Variants in BCAR3 observed in about 807,000 individuals in gnomAD.
The protein encoded by BCAR3 is BCAR3 adaptor protein, NSP family member, also known as breast cancer anti-estrogen resistance protein 3.
BCAR3 carries 37 observed loss-of-function variants against 80.1 expected under a neutral mutation model. The ratio of observed to expected loss-of-function variants is 0.46; its 90% CI spans 0.36 to 0.61. The LOEUF is 0.61. BCAR3 is among the 20% of genes least tolerant of loss of function. BCAR3 has a pLI of 0.00. For synonymous variants in BCAR3, 389 were observed against 418.9 expected, an observed-to-expected ratio of 0.93 and a Z score of 0.87; for missense variants, 978 against 1,068.2, an observed-to-expected ratio of 0.92 and a Z score of 1.18.
intron 3 of BCAR3, 104 bp downstream of exon 3, chr1:93,642,200 C>G: frequency 7.4e-7 from 1 of 1,351,520 alleles, no homozygotes; most frequent in Non-Finnish European, 1.1e-6. Flanking sequence ...GTCTAATCAG[C>G]TTTTTACACA....
intron 3 of BCAR3, among the ~76,000 whole-genome samples, chr1:93,623,862 C>T (rs939856794): frequency 6.6e-6 from 1 of 152,092 alleles, no homozygotes; most frequent in Non-Finnish European, 1.5e-5. Flanking sequence ...CTACAAGGAG[C>T]CAACATGAAC....
intron 3 of BCAR3, among the ~76,000 whole-genome samples, chr1:93,686,855 G>A: frequency 6.6e-6 from 1 of 152,148 alleles, no homozygotes; most frequent in East Asian, 1.9e-4. Flanking sequence ...GAGTCAAAGA[G>A]GGTAGTATCC....
At chr1:93,765,431 C>A (rs10158155) in intron 2 of BCAR3, among the ~76,000 whole-genome samples, 17,777 of 152,058 alleles carry the variant, frequency 0.12, 1,465 homozygotes, top group African/African-American at 0.22. Context: ...TCTCTAGGAT[C>A]ACCAGTCAGC....
intron 2 of BCAR3, among the ~76,000 whole-genome samples, chr1:93,717,084 C>T (rs999449366): frequency 1.3e-5 from 2 of 152,168 alleles, no homozygotes; most frequent in African/African-American, 4.8e-5. Context: ...CTCAAGAAAC[C>T]GCACAGTATC....
At chr1:93,688,565 GTA>G (rs893982554) in intron 3 of BCAR3, among the ~76,000 whole-genome samples, 1 of 151,544 alleles carries the variant, frequency 6.6e-6, no homozygotes, top group Non-Finnish European at 1.5e-5. Context: ...GTGTGTCTGT[GTA>G]TATATATATG....
chr1:93,796,397 C>A (rs1023810536), intron 2 of BCAR3, among the ~76,000 whole-genome samples: 1 of 145,600 alleles, frequency 6.9e-6, no homozygotes, highest in Admixed American at 6.8e-5. Flanking sequence ...GCGCAATATT[C>A]GGGTGGGAGT....
chr1:93,808,288 C>G (rs1309278840), intron 2 of BCAR3, among the ~76,000 whole-genome samples: 1 of 152,070 alleles, frequency 6.6e-6, no homozygotes, highest in Non-Finnish European at 1.5e-5. Flanking sequence ...CCATTGAAAA[C>G]TTTCAGAGCA....
intron 2 of BCAR3, among the ~76,000 whole-genome samples, chr1:93,744,415 T>G (rs1431475823): frequency 1.3e-5 from 2 of 152,132 alleles, no homozygotes; most frequent in African/African-American, 4.8e-5. Context: ...TGTAAAGTGC[T>G]TCTCCGATAG....
At chr1:93,566,653 C>G (rs1007791917) in intron 11 of BCAR3, among the ~76,000 whole-genome samples, 1 of 152,150 alleles carries the variant, frequency 6.6e-6, no homozygotes, top group Admixed American at 6.5e-5. Flanking sequence ...TAAATGAGGT[C>G]TGGATAAAAC....
chr1:93,833,615 G>T (rs1164946550), intron 2 of BCAR3, among the ~76,000 whole-genome samples: 1 of 152,164 alleles, frequency 6.6e-6, no homozygotes, highest in African/African-American at 2.4e-5. Context: ...CTGAGAAAAA[G>T]AATTCAGTGA....
intron 2 of BCAR3, among the ~76,000 whole-genome samples, chr1:93,724,221 G>A (rs941442191): frequency 2.0e-5 from 3 of 152,188 alleles, no homozygotes; most frequent in Admixed American, 6.5e-5. Flanking sequence ...GGATGCCAGC[G>A]CTGGTGGCTG....
intron 2 of BCAR3, among the ~76,000 whole-genome samples, chr1:93,750,628 C>T (rs1651526523): frequency 1.3e-5 from 2 of 152,174 alleles, no homozygotes; most frequent in South Asian, 4.1e-4. Flanking sequence ...GCCTGGTTCT[C>T]TTGGGACACT....
At chr1:93,715,331 C>T (rs1650160028) in intron 2 of BCAR3, among the ~76,000 whole-genome samples, 2 of 151,970 alleles carry the variant, frequency 1.3e-5, no homozygotes. Flanking sequence ...TGTCTTTTTT[C>T]CCTGGAAAGG....
At chr1:93,726,116 G>C (rs1326537756) in intron 2 of BCAR3, among the ~76,000 whole-genome samples, 1 of 151,930 alleles carries the variant, frequency 6.6e-6, no homozygotes, top group East Asian at 1.9e-4. Context: ...GCCCACGCTG[G>C]AGTGCAGTGG....
At chr1:93,654,061 G>T (rs1013100395) in intron 2 of BCAR3, among the ~76,000 whole-genome samples, 1 of 152,122 alleles carries the variant, frequency 6.6e-6, no homozygotes, top group East Asian at 1.9e-4. Flanking sequence ...TCCTCACCAT[G>T]CCCTATGAGC....
chr1:93,681,351 C>A (rs1056868724), intron 1 of BCAR3: 15 of 149,652 alleles, frequency 1.0e-4, no homozygotes, highest in African/African-American at 3.7e-4. Context: ...GGCCACGTCT[C>A]GGGGAGTCCC....
chr1:93,623,492 G>A (rs964886818), intron 3 of BCAR3, among the ~76,000 whole-genome samples: 1 of 152,138 alleles, frequency 6.6e-6, no homozygotes, highest in African/African-American at 2.4e-5. Context: ...AGGGCTGAGA[G>A]AGACATCCCC....
chr1:93,601,074 T>C (rs558076800), intron 3 of BCAR3, among the ~76,000 whole-genome samples: 5 of 152,308 alleles, frequency 3.3e-5, no homozygotes, highest in South Asian at 2.1e-4. Flanking sequence ...TGTTTCTCTA[T>C]GCATAAGGAG....
chr1:93,837,142 C>T (rs952930704), intron 2 of BCAR3, among the ~76,000 whole-genome samples: 5 of 152,082 alleles, frequency 3.3e-5, no homozygotes, highest in Non-Finnish European at 5.9e-5. Flanking sequence ...CGCTTGAACC[C>T]GGGAGGCAGG....
Sources: gnomAD v4.1 joint callset for allele counts (sites outside exome capture counted in the v4.1 genomes callset) on GRCh38, gnomAD v4.1.1 for gene constraint, MANE v1.5 for transcripts, NCBI Gene and HGNC (gene_info 2026-07-23, HGNC 2026-07-21) for gene names.